Variants in SLC24A2 observed in about 807,000 individuals in gnomAD.
SLC24A2 encodes the protein solute carrier family 24 member 2.
Under a neutral mutation model 62.0 loss-of-function variants are expected in SLC24A2, and 36 were observed. The observed-to-expected ratio is 0.58, with a 90% CI of 0.44 to 0.77. The LOEUF is 0.77. Ranked by LOEUF, SLC24A2 falls within the 30% of genes least tolerant of loss-of-function variation. The probability of loss-of-function intolerance (pLI) is 0.00; values close to 1 mark genes in which losing one functional copy is unlikely to be tolerated. For synonymous variants in SLC24A2, 358 were observed against 294.0 expected, an observed-to-expected ratio of 1.22 and a Z score of -2.23; for missense variants, 846 against 817.9, an observed-to-expected ratio of 1.03 and a Z score of -0.42.
At chr9:19,758,474 G>A (rs551790321) in intron 2 of SLC24A2, among the ~76,000 whole-genome samples, 3 of 152,202 alleles carry the variant, frequency 2.0e-5, no homozygotes, top group Admixed American at 2.0e-4. Flanking sequence ...TTCTAATTAG[G>A]ACTATTCTAC....
chr9:19,645,136 G>A (rs1818606014), intron 2 of SLC24A2, among the ~76,000 whole-genome samples: 1 of 149,496 alleles, frequency 6.7e-6, no homozygotes, highest in South Asian at 2.1e-4. Context: ...GCAAAGGTAT[G>A]GACAGAGGGG....
At chr9:19,891,870 C>T in the SLC24A2 span, among the ~76,000 whole-genome samples, 2 of 152,176 alleles carry the variant, frequency 1.3e-5, no homozygotes, top group African/African-American at 4.8e-5. Context: ...GCCCTCAAGA[C>T]CCAAACACCT....
At chr9:19,897,005 A>G in the SLC24A2 span, among the ~76,000 whole-genome samples, 1 of 152,000 alleles carries the variant, frequency 6.6e-6, no homozygotes, top group Non-Finnish European at 1.5e-5. Context: ...AATGAAATGT[A>G]TTGCCAACAG....
intron 2 of SLC24A2, among the ~76,000 whole-genome samples, chr9:19,688,402 T>C (rs1372403466): frequency 6.6e-6 from 1 of 152,094 alleles, no homozygotes; most frequent in Admixed American, 6.6e-5. Flanking sequence ...GAAAGCTGGG[T>C]ATCATTTGGT....
intron 8 of SLC24A2, among the ~76,000 whole-genome samples, chr9:19,530,596 T>C (rs972841193): frequency 6.6e-6 from 1 of 152,188 alleles, no homozygotes; most frequent in African/African-American, 2.4e-5. Flanking sequence ...TACAGAAAAT[T>C]CCTAGCCAAA....
intron 4 of SLC24A2, among the ~76,000 whole-genome samples, chr9:19,597,891 A>G (rs928857334): frequency 1.1e-4 from 16 of 152,326 alleles, no homozygotes; most frequent in African/African-American, 3.8e-4. Context: ...ACCAGCTCAG[A>G]TAAGTGACAG....
At chr9:19,993,524 A>G in the SLC24A2 span, among the ~76,000 whole-genome samples, 1 of 152,210 alleles carries the variant, frequency 6.6e-6, no homozygotes, top group African/African-American at 2.4e-5. Context: ...CTAGAAAGTT[A>G]TTCATTCCGA....
intron 7 of SLC24A2, among the ~76,000 whole-genome samples, chr9:19,563,703 T>G (rs1257409996): frequency 7.0e-6 from 1 of 142,104 alleles, no homozygotes; most frequent in East Asian, 1.9e-4. Context: ...CCTCCCTTAC[T>G]TCCTTTTCCA....
the SLC24A2 span, among the ~76,000 whole-genome samples, chr9:19,892,081 G>T: frequency 6.6e-6 from 1 of 152,056 alleles, no homozygotes; most frequent in East Asian, 1.9e-4. Context: ...GCCAACATGG[G>T]CCTTCTTTTT....
At chr9:19,917,382 A>T in the SLC24A2 span, among the ~76,000 whole-genome samples, 3 of 146,132 alleles carry the variant, frequency 2.1e-5, no homozygotes, top group Admixed American at 7.0e-5. Flanking sequence ...TTTAGTCTGC[A>T]CTTTTGCCTC....
At chr9:20,233,055 C>T in the SLC24A2 span, among the ~76,000 whole-genome samples, 3 of 152,162 alleles carry the variant, frequency 2.0e-5, no homozygotes, top group Admixed American at 2.0e-4. Flanking sequence ...TTTCTTAATC[C>T]TGAGTTCTAG....
At chr9:19,711,529 G>A (rs1820715391) in intron 2 of SLC24A2, among the ~76,000 whole-genome samples, 1 of 152,194 alleles carries the variant, frequency 6.6e-6, no homozygotes, top group Non-Finnish European at 1.5e-5. Flanking sequence ...ACTGATTGAG[G>A]AGCCTAATTC....
chr9:19,992,713 A>G, the SLC24A2 span, among the ~76,000 whole-genome samples: 1 of 152,220 alleles, frequency 6.6e-6, no homozygotes, highest in Non-Finnish European at 1.5e-5. Flanking sequence ...TGCCACTGTT[A>G]GTAGCATCAC....
chr9:19,685,022 C>T (rs1437244244), intron 2 of SLC24A2, among the ~76,000 whole-genome samples: 1 of 152,042 alleles, frequency 6.6e-6, no homozygotes, highest in Non-Finnish European at 1.5e-5. Context: ...AATTAATGTA[C>T]AAAAATCACT....
the SLC24A2 span, among the ~76,000 whole-genome samples, chr9:19,915,742 ACTAT>A: frequency 2.6e-5 from 4 of 152,094 alleles, no homozygotes; most frequent in East Asian, 5.8e-4. Context: ...TCTTTGGAGA[ACTAT>A]CTATTCACAT....
the SLC24A2 span, among the ~76,000 whole-genome samples, chr9:20,214,495 G>T: frequency 6.6e-6 from 1 of 151,962 alleles, no homozygotes; most frequent in Non-Finnish European, 1.5e-5. Context: ...GGCCCCTGTA[G>T]TCCCAGCTAC....
chr9:19,652,008 G>A (rs1353072240), intron 2 of SLC24A2, among the ~76,000 whole-genome samples: 1 of 152,160 alleles, frequency 6.6e-6, no homozygotes, highest in Non-Finnish European at 1.5e-5. Flanking sequence ...TAAATTGCTC[G>A]ATTACAGGAG....
intron 2 of SLC24A2, among the ~76,000 whole-genome samples, chr9:19,670,781 T>C (rs1007383624): frequency 6.6e-6 from 1 of 152,192 alleles, no homozygotes; most frequent in East Asian, 1.9e-4. Context: ...ATGTGTCCCA[T>C]AAGTTGCTGT....
intron 5 of SLC24A2, among the ~76,000 whole-genome samples, chr9:19,588,187 T>C (rs1282961377): frequency 4.6e-5 from 7 of 151,462 alleles, no homozygotes; most frequent in Admixed American, 2.0e-4. Flanking sequence ...TCTTTTTTTT[T>C]TTTTTTTCTG....
Sources: gnomAD v4.1 joint callset for allele counts (sites outside exome capture counted in the v4.1 genomes callset) on GRCh38, gnomAD v4.1.1 for gene constraint, MANE v1.5 for transcripts, NCBI Gene and HGNC (gene_info 2026-07-23, HGNC 2026-07-21) for gene names.